The following FSHR variants were observed in gnomAD, a reference collection of about 807,000 sequenced individuals.
FSHR encodes the protein follicle-stimulating hormone receptor.
Under a neutral mutation model 52.1 loss-of-function variants are expected in FSHR, and 46 were observed. The observed-to-expected ratio is 0.88, with a 90% CI of 0.70 to 1.13. FSHR has a LOEUF of 1.13. Among genes scored for constraint, FSHR ranks in the 50% most tolerant of loss-of-function variants. The pLI, the probability that FSHR is intolerant of heterozygous loss-of-function variation, is 0.00. For missense variants in FSHR, 964 were observed against 834.6 expected (o/e 1.16, Z -1.91); for synonymous variants, 399 against 309.6 (o/e 1.29, Z -3.03).
intron 2 of FSHR, among the ~76,000 whole-genome samples, chr2:49,031,325 T>C (rs1668095259): frequency 6.6e-6 from 1 of 152,212 alleles, no homozygotes; most frequent in African/African-American, 2.4e-5. Flanking sequence ...TAATTTCAGG[T>C]AATGGGGATC....
chr2:49,084,719 C>G (rs1190550548), intron 1 of FSHR, among the ~76,000 whole-genome samples: 2 of 152,188 alleles, frequency 1.3e-5, no homozygotes, highest in South Asian at 2.1e-4. Context: ...ACAAACACCT[C>G]TATGCAAATA....
rs111371728 is a variant in FSHR at position 48,969,921 on chromosome 2, G to A, written c.669-1038C>T. The stretch of plus-strand genomic sequence containing the variant: ...AAATGGCACCAGCTTGGACCTGGTG[G>A]GGCCAACAGCTTGGCCGTGAGTGGG... On this transcript the variant is annotated intron_variant, in intron 8 of 9. Coordinates refer to ENST00000406846, the MANE Select transcript of FSHR (RefSeq NM_000145.4). 4.8e-3 allele frequency among the ~76,000 whole-genome samples: 725 copies of A among 152,284 alleles called. 6 individuals are homozygous for A. Among genetic ancestry groups the A allele is most frequent in the African/African-American group, 0.017 (698 of 41,556 alleles).
chr2:49,051,547 T>C (rs981733772), intron 2 of FSHR, among the ~76,000 whole-genome samples: 3 of 152,124 alleles, frequency 2.0e-5, no homozygotes, highest in Non-Finnish European at 4.4e-5. Context: ...TACTTATTTT[T>C]TACTTCTTTA....
At position 49,147,329 on chromosome 2, in the gene FSHR, T is replaced by C. The variant is rs562267108; in HGVS notation, c.152+6937A>G. Among the ~76,000 whole-genome samples, 46 of 152,192 alleles carry C rather than the reference T, an allele frequency of 3.0e-4. No homozygotes were observed. In the South Asian group the frequency reaches 9.1e-3, roughly 30 times the overall value. ...ACAAAGCTAAATTGGAGAGTCTAAA[T>C]CTAAGCGCCTAAAGAAAAAGTATAG... On this transcript the variant is annotated intron_variant, in intron 1 of 9. Coordinates refer to ENST00000406846, the MANE Select transcript of FSHR (RefSeq NM_000145.4).
At position 48,963,503 on chromosome 2, in the gene FSHR, C is replaced by T. The variant is rs772185833; in HGVS notation, c.1318G>A (p.Ala440Thr). Residue 440 changes from alanine to threonine, a missense_variant, in exon 10 of 10, where the codon GCA (alanine) becomes ACA (threonine). By Grantham distance (58) the Ala-to-Thr change is moderately conservative (BLOSUM62 0). Transcript: ENST00000406846. ...AAAAAGCCAGCAGCATCACAGCCTG[C>T]CCCAGTTTGCCAGTCAATGGCATAG... ...HNYAIDWQTG[A>T]GCDAAGFFTV... The T allele has an allele frequency of 6.2e-7, 1 of 1,614,170 alleles. No individual in the cohort carries two copies. The highest frequency in any genetic ancestry group is 2.2e-5 in the East Asian group (1 of 44,870).
intron 2 of FSHR, among the ~76,000 whole-genome samples, chr2:49,045,619 A>T (rs756733350): frequency 6.6e-6 from 1 of 152,196 alleles, no homozygotes; most frequent in Non-Finnish European, 1.5e-5. Flanking sequence ...TTCTTTAAAA[A>T]AATGTTTTGC....
chr2:49,022,772 T>A (rs1339566282), intron 2 of FSHR, among the ~76,000 whole-genome samples: 1 of 152,152 alleles, frequency 6.6e-6, no homozygotes, highest in East Asian at 1.9e-4. Flanking sequence ...TTGTCAAGTC[T>A]TTTCCAGAAC....
intron 2 of FSHR, among the ~76,000 whole-genome samples, chr2:49,020,900 A>G (rs1034667689): frequency 1.1e-4 from 16 of 152,122 alleles, no homozygotes; most frequent in Non-Finnish European, 2.2e-4. Flanking sequence ...AGAACACATG[A>G]ACACAGGGAG....
intron 1 of FSHR, among the ~76,000 whole-genome samples, chr2:49,086,415 G>A (rs943629554): frequency 3.9e-5 from 6 of 152,148 alleles, no homozygotes; most frequent in African/African-American, 1.4e-4. Context: ...GGCATAAGTT[G>A]TCAGTGAGTC....
chr2:49,039,308 G>C (rs1336961083), intron 2 of FSHR, among the ~76,000 whole-genome samples: 1 of 152,116 alleles, frequency 6.6e-6, no homozygotes, highest in Non-Finnish European at 1.5e-5. Flanking sequence ...GTAATTTGAA[G>C]ATGTGATGTC....
intron 1 of FSHR, among the ~76,000 whole-genome samples, chr2:49,153,820 C>T (rs115365023): frequency 0.013 from 2,001 of 152,248 alleles, 37 homozygotes; most frequent in African/African-American, 0.046. Context: ...GCCTTCAAAA[C>T]GACAAAGACT....
intron 1 of FSHR, among the ~76,000 whole-genome samples, chr2:49,144,131 C>T (rs2103844960): frequency 6.6e-6 from 1 of 152,184 alleles, no homozygotes; most frequent in Middle Eastern, 3.4e-3. Context: ...TCCCAACCAC[C>T]AGAATGCTGG....
intron 1 of FSHR, among the ~76,000 whole-genome samples, chr2:49,144,022 C>G (rs1572805429): frequency 1.3e-5 from 2 of 152,198 alleles, no homozygotes; most frequent in East Asian, 3.9e-4. Flanking sequence ...AGCAAAACCC[C>G]AAAGAATTAT....
chr2:49,015,100 A>C (rs867307035), intron 4 of FSHR, among the ~76,000 whole-genome samples: 10 of 152,140 alleles, frequency 6.6e-5, no homozygotes, highest in Admixed American at 1.3e-4. Flanking sequence ...GCATAATCTT[A>C]TTTGGTTTTT....
intron 1 of FSHR, among the ~76,000 whole-genome samples, chr2:49,080,580 C>G (rs1482067529): frequency 6.6e-6 from 1 of 152,018 alleles, no homozygotes; most frequent in South Asian, 2.1e-4. Context: ...AGAGCAAAAA[C>G]CAAAAAGTTG....
At chr2:49,113,066 GC>G (rs957917882) in intron 1 of FSHR, among the ~76,000 whole-genome samples, 5 of 152,162 alleles carry the variant, frequency 3.3e-5, no homozygotes, top group African/African-American at 9.7e-5. Context: ...CAGGATGGGA[GC>G]CAGGGCAGCG....
intron 1 of FSHR, among the ~76,000 whole-genome samples, chr2:49,121,627 C>T (rs1291061010): frequency 1.3e-5 from 2 of 152,156 alleles, no homozygotes; most frequent in African/African-American, 4.8e-5. Context: ...GACTTAATGA[C>T]TTCCTTTGCC....
chr2:49,103,231 G>A (rs1671099213), intron 1 of FSHR, among the ~76,000 whole-genome samples: 1 of 152,076 alleles, frequency 6.6e-6, no homozygotes, highest in African/African-American at 2.4e-5. Context: ...GAGCCCCTGA[G>A]GATATCTAGG....
At chr2:49,078,720 C>A (rs1670048529) in intron 1 of FSHR, among the ~76,000 whole-genome samples, 2 of 152,016 alleles carry the variant, frequency 1.3e-5, no homozygotes, top group East Asian at 1.9e-4. Context: ...GAAAAAAATT[C>A]TTAATCTGAT....
Sources: gnomAD v4.1 joint callset for allele counts (sites outside exome capture counted in the v4.1 genomes callset) on GRCh38, gnomAD v4.1.1 for gene constraint, MANE v1.5 for transcripts, NCBI Gene and HGNC (gene_info 2026-07-23, HGNC 2026-07-21) for gene names.